Variants in PSMF1 observed in about 807,000 individuals in gnomAD.
The protein encoded by PSMF1 is proteasome inhibitor subunit 1, also known as proteasome inhibitor PI31 subunit.
In PSMF1, 30 loss-of-function variants were observed where a neutral mutation model predicts 29.3. That is an observed-to-expected ratio of 1.02 (90% CI 0.77 to 1.39). The LOEUF (loss-of-function observed/expected upper bound fraction) is 1.39, where lower values mean the gene tolerates loss of function less well. Ranked by LOEUF, PSMF1 falls within the 40% of genes most tolerant of loss-of-function variation. PSMF1 has a pLI of 0.00. For missense variants in PSMF1, 344 were observed against 357.5 expected (o/e 0.96, Z 0.31); for synonymous variants, 134 against 139.7 (o/e 0.96, Z 0.29).
intron 4 of PSMF1, among the ~76,000 whole-genome samples, chr20:1,158,580 G>A (rs2086623851): frequency 6.6e-6 from 1 of 152,174 alleles, no homozygotes; most frequent in Non-Finnish European, 1.5e-5. Context: ...TTGCTTTTAT[G>A]TAAAAGAGAA....
intron 4 of PSMF1, among the ~76,000 whole-genome samples, chr20:1,153,124 A>G (rs1368463942): frequency 1.3e-5 from 2 of 152,196 alleles, no homozygotes; most frequent in Non-Finnish European, 2.9e-5. Context: ...AATTACTTAG[A>G]AAAACATTGT....
At chr20:1,131,955 G>A (rs1293912377) in intron 3 of PSMF1, among the ~76,000 whole-genome samples, 1 of 152,136 alleles carries the variant, frequency 6.6e-6, no homozygotes, top group Non-Finnish European at 1.5e-5. Context: ...CTCCCACCCA[G>A]CTTGGGCAGG....
At position 1,171,408 on chromosome 20, in the gene PSMF1, C is replaced by T. The variant is rs2086788933; in HGVS notation, c.*6328C>T. On this transcript the variant is annotated 3_prime_UTR_variant, in exon 7 of 7. Transcript: ENST00000335877. ...ACCTGGCTCCATGTGCTGCTCACCT[C>T]GGCCTTCTGAGTTTAGTAGGATGGC... Among the ~76,000 whole-genome samples the T allele has an allele frequency of 1.3e-5, 2 of 152,144 alleles. No individual in the cohort carries two copies. Among genetic ancestry groups the T allele is most frequent in the South Asian group, 2.1e-4 (1 of 4,820 alleles).
intron 1 of PSMF1, among the ~76,000 whole-genome samples, chr20:1,119,780 C>T (rs557082711): frequency 1.3e-5 from 2 of 152,292 alleles, no homozygotes; most frequent in African/African-American, 4.8e-5. Context: ...TCATCCTAGA[C>T]ATCTGCTTCC....
At chr20:1,157,852 T>C (rs2086614565) in intron 4 of PSMF1, among the ~76,000 whole-genome samples, 2 of 152,092 alleles carry the variant, frequency 1.3e-5, no homozygotes, top group Non-Finnish European at 2.9e-5. Context: ...TGGGCTGTTG[T>C]AGTTTCTCAT....
At chr20:1,161,297 G>T in intron 4 of PSMF1, 1 of 313,734 alleles carries the variant, frequency 3.2e-6, no homozygotes, top group Non-Finnish European at 6.1e-6. Flanking sequence ...GCTACAAACT[G>T]CCTGACAGCC....
Position 1,171,018 on chromosome 20 carries a change from T to A in PSMF1, c.*5938T>A, listed in dbSNP as rs1022395165. 1.3e-5 allele frequency among the ~76,000 whole-genome samples: 2 copies of A among 152,126 alleles called. No homozygotes were observed. The highest frequency in any genetic ancestry group is 2.9e-5 in the Non-Finnish European group (2 of 68,020). ...AGGTCAGTGCTCTTTTCAGTAGAAC[T>A]GCTGTACCCAGACCTCACATCCTCT... is the stretch of plus-strand genomic sequence containing the variant. On this transcript the variant is annotated 3_prime_UTR_variant, in exon 7 of 7. Transcript: ENST00000335877.
In PSMF1 at chr20:1,118,656, A is replaced by G; in HGVS notation, c.-118A>G. The G allele has an allele frequency of 7.7e-7, 1 of 1,294,094 alleles. No individual in the cohort carries two copies. The highest frequency in any genetic ancestry group is 2.5e-5 in the East Asian group (1 of 39,436). 80.2% of individuals were successfully genotyped at this position (1,294,094 alleles called of 1,614,324 possible). ...GTCTCCATTTTGGTCTCAGGTGTGG[A>G]CTCGGCAAGAACCAGCGCAAGAGGG... On this transcript the variant is annotated 5_prime_UTR_variant, in exon 1 of 7. Transcript: ENST00000335877.
intron 3 of PSMF1, among the ~76,000 whole-genome samples, chr20:1,128,708 ACCT>A (rs1408611770): frequency 6.6e-6 from 1 of 151,690 alleles, no homozygotes; most frequent in Non-Finnish European, 1.5e-5. Flanking sequence ...ATCTTCATTG[ACCT>A]CCTCAGGGTT....
chr20:1,114,337 C>T (rs2085995552), upstream of PSMF1, among the ~76,000 whole-genome samples: 1 of 152,206 alleles, frequency 6.6e-6, no homozygotes, highest in Non-Finnish European at 1.5e-5. Context: ...TACTCCACTG[C>T]CCCCACCGCT....
At chr20:1,119,760 A>C (rs3787572) in intron 1 of PSMF1, among the ~76,000 whole-genome samples, 122,044 of 152,016 alleles carry the variant, frequency 0.8, 49,403 homozygotes, top group Non-Finnish European at 0.83. Flanking sequence ...CCTCATCCCC[A>C]ACATCCACAT....
In PSMF1 at chr20:1,169,985, C is replaced by G. The variant is rs993580005; in HGVS notation, c.*4905C>G. The stretch of plus-strand genomic sequence containing the variant: ...CTAACCATCTCCTGAGATGCTTGCT[C>G]TAAGTACACATTAGTACATGCTGGG... On this transcript the variant is annotated 3_prime_UTR_variant, in exon 7 of 7. Transcript: ENST00000335877. Among the ~76,000 whole-genome samples, 1 of 152,202 alleles carries G rather than the reference C, an allele frequency of 6.6e-6. No individual in the cohort carries two copies.
Position 1,165,629 on chromosome 20 carries a change from C to T in PSMF1, c.*549C>T. The stretch of plus-strand genomic sequence containing the variant: ...GTTTATTAATTGCCATTGCTCCTGA[C>T]ATCACTAAGATGGGTCCCCTTCTGG... On this transcript the variant is annotated 3_prime_UTR_variant, in exon 7 of 7. Coordinates refer to ENST00000335877, the MANE Select transcript of PSMF1 (RefSeq NM_006814.5). 1 of 996,956 alleles carries T rather than the reference C, an allele frequency of 1.0e-6. No individual in the cohort carries two copies. Among genetic ancestry groups the T allele is most frequent in the South Asian group, 4.4e-5 (1 of 22,524 alleles). 61.8% of individuals were successfully genotyped at this position (996,956 alleles called of 1,614,324 possible).
chr20:1,118,436 C>T (rs113202834), upstream of PSMF1: 79 of 228,588 alleles, frequency 3.5e-4, no homozygotes, highest in Admixed American at 6.6e-4. Context: ...TCTTGGAGGA[C>T]GCTGTGCCCG....
chr20:1,160,657 A>C (rs1395593819), intron 4 of PSMF1: 3 of 507,660 alleles, frequency 5.9e-6, no homozygotes, highest in Non-Finnish European at 8.0e-6. Context: ...GCTGGGGACG[A>C]CGCCCCTGGA....
At chr20:1,133,951 T>C (rs949763127) in intron 3 of PSMF1, among the ~76,000 whole-genome samples, 9 of 151,424 alleles carry the variant, frequency 5.9e-5, no homozygotes, top group African/African-American at 2.2e-4. Context: ...AGATCTATTG[T>C]AATATCTCCT....
rs1272808364 is a variant in PSMF1, at chr20:1,118,630, C to A, written c.-144C>A. The A allele has an allele frequency of 7.1e-6, 7 of 984,758 alleles. No individual in the cohort carries two copies. In the South Asian group the frequency reaches 1.4e-4, roughly 19 times the overall value. The allele number at this position is 984,758 out of a possible 1,614,324, so 61.0% of individuals were successfully genotyped here. A position where few individuals can be genotyped will look rare whatever the true frequency, so the allele number is the denominator to read the frequency against. On this transcript the variant is annotated 5_prime_UTR_variant, in exon 1 of 7. Coordinates refer to ENST00000335877, the MANE Select transcript of PSMF1 (RefSeq NM_006814.5). ...TTCCCCGCCCCGCCCCGTCCCCGGG[C>A]GTCTCCATTTTGGTCTCAGGTGTGG... is the stretch of plus-strand genomic sequence containing the variant.
At chr20:1,126,356 G>A (rs2086156131) in intron 2 of PSMF1, among the ~76,000 whole-genome samples, 2 of 152,098 alleles carry the variant, frequency 1.3e-5, no homozygotes, top group South Asian at 4.1e-4. Flanking sequence ...GTATTATACT[G>A]CACTTTGCTT....
rs1204746279 is a variant in PSMF1, at chr20:1,127,415, C to T, written c.283-11C>T. The T allele has an allele frequency of 1.9e-6, 3 of 1,577,568 alleles. No homozygotes were observed. The highest frequency in any genetic ancestry group is 8.7e-7 in the Non-Finnish European group (1 of 1,146,566). On this transcript the variant is annotated splice_polypyrimidine_tract_variant and intron_variant, in intron 2 of 6. Coordinates refer to ENST00000335877, the MANE Select transcript of PSMF1 (RefSeq NM_006814.5). ...ATCCCAGTCTCTCACTTTCTATTTT[C>T]ACCCATCTAGGAATATGGCTCACAG...
Sources: gnomAD v4.1 joint callset for allele counts (sites outside exome capture counted in the v4.1 genomes callset) on GRCh38, gnomAD v4.1.1 for gene constraint, MANE v1.5 for transcripts, NCBI Gene and HGNC (gene_info 2026-07-23, HGNC 2026-07-21) for gene names.